STX16: variants seen among roughly 807,000 people sequenced by gnomAD.
The protein encoded by STX16 is syntaxin-16.
In STX16, 28 loss-of-function variants were observed where a neutral mutation model predicts 42.7. That is an observed-to-expected ratio of 0.66 (90% confidence interval 0.49 to 0.90). The LOEUF is 0.90. STX16 is among the 40% of genes least tolerant of loss of function. STX16 has a pLI of 0.00. For missense variants in STX16, 361 were observed against 420.9 expected (o/e 0.86, Z 1.24); for synonymous variants, 156 against 155.2 (o/e 1.00, Z -0.04).
At chr20:58,675,121 A>G (rs1165086544) in intron 8 of STX16, among the ~76,000 whole-genome samples, 6 of 151,744 alleles carry the variant, frequency 4.0e-5, no homozygotes, top group South Asian at 2.1e-4. Context: ...CGGCTAGTCT[A>G]AGGGTGATTG....
rs2296524 is a variant in STX16, at chr20:58,669,437, G to A, written c.540G>A (p.Gln180=). ...QELSTSFRHA[Q]SGYLKRMKNR... ...TCTCCACCAGCTTCCGGCACGCACAGTCAGGCTACCTCAAACGTGAGTGCT... is the reference window on the plus strand; with the variant it reads ...TCTCCACCAGCTTCCGGCACGCACAATCAGGCTACCTCAAACGTGAGTGCT... Residue 180 remains glutamine, a synonymous_variant, in exon 5 of 9, where the codon CAG becomes CAA. Coordinates refer to ENST00000371141, the MANE Select transcript of STX16 (RefSeq NM_001001433.3). 832,777 of 1,609,424 alleles carry A rather than the reference G, an allele frequency of 0.52. 216,791 individuals are homozygous for A. The highest frequency in any genetic ancestry group is 0.54 in the Middle Eastern group (3,279 of 6,036).
intron 7 of STX16, among the ~76,000 whole-genome samples, 166 bp downstream of exon 7, chr20:58,671,463 T>TGG (rs2083973915): frequency 8.0e-6 from 1 of 125,406 alleles, no homozygotes; most frequent in African/African-American, 3.0e-5. Context: ...TGTGTGTGTG[T>TGG]GTGTGTGTGT....
intron 1 of STX16, among the ~76,000 whole-genome samples, chr20:58,654,634 AT>A (rs1286912915): frequency 3.3e-5 from 5 of 152,232 alleles, no homozygotes; most frequent in Non-Finnish European, 5.9e-5. Flanking sequence ...CTCACAAAAA[AT>A]TTAAAGCCTT....
rs1383291269 is a variant in STX16, at chr20:58,651,659, A to G, written c.-348A>G. On this transcript the variant is annotated 5_prime_UTR_variant, in exon 1 of 9. Coordinates refer to ENST00000371141, the MANE Select transcript of STX16 (RefSeq NM_001001433.3). ...AGGGGGCTTCAGGGCCTCCCAGTCT[A>G]GAGCCGGATTGGCGAGTTAGACGCT... The G allele has an allele frequency of 4.0e-6, 1 of 251,384 alleles. No individual in the cohort carries two copies. Among genetic ancestry groups the G allele is most frequent in the Non-Finnish European group, 8.0e-6 (1 of 125,752 alleles). 15.6% of individuals were successfully genotyped at this position (251,384 alleles called of 1,614,324 possible).
In STX16 at chr20:58,651,955, G is replaced by C; in HGVS notation, c.-52G>C. ...CACGAGAAAGAAAGTGAATAAATCA[G>C]GAATATAAGTGGGCGGGGGGCCCCT... On this transcript the variant is annotated 5_prime_UTR_variant, in exon 1 of 9. Transcript: ENST00000371141. The C allele has an allele frequency of 6.3e-7, 1 of 1,593,846 alleles. No individual in the cohort carries two copies. Among genetic ancestry groups the C allele is most frequent in the Non-Finnish European group, 8.6e-7 (1 of 1,163,004 alleles).
At chr20:58,666,426 T>G (rs865917631) in intron 2 of STX16, among the ~76,000 whole-genome samples, 3,874 of 99,234 alleles carry the variant, frequency 0.039, 100 homozygotes, top group African/African-American at 0.18. Context: ...TGTGTGTGTT[T>G]TTTTTTTTTT....
chr20:58,652,890 T>G (rs1392144491), intron 1 of STX16, among the ~76,000 whole-genome samples: 1 of 151,960 alleles, frequency 6.6e-6, no homozygotes, highest in Non-Finnish European at 1.5e-5. Context: ...AACCACAACC[T>G]TTAGTTAGCC....
At position 58,676,417 on chromosome 20, in the gene STX16, C is replaced by A. The variant is rs2084128364; in HGVS notation, c.*126C>A. The A allele has an allele frequency of 6.3e-6, 5 of 788,000 alleles. No homozygotes were observed. The highest frequency in any genetic ancestry group is 6.3e-5 in the South Asian group (4 of 63,432). 48.8% of individuals were successfully genotyped at this position (788,000 alleles called of 1,614,324 possible). A position where few individuals can be genotyped will look rare whatever the true frequency, so the allele number is the denominator to read the frequency against. On this transcript the variant is annotated 3_prime_UTR_variant, in exon 9 of 9. Transcript: ENST00000371141. ...AATCTGAGGGCGTCGGGGCAGCGAA[C>A]CTTTGCATCCACGGACTCCTCCTTC...
chr20:58,672,083 A>G (rs2083991405), intron 7 of STX16, among the ~76,000 whole-genome samples: 1 of 152,152 alleles, frequency 6.6e-6, no homozygotes, highest in Non-Finnish European at 1.5e-5. Context: ...CTGTAATCCC[A>G]GCACTTTGGG....
intron 1 of STX16, among the ~76,000 whole-genome samples, chr20:58,658,479 A>G (rs777782870): frequency 2.0e-5 from 3 of 152,212 alleles, no homozygotes; most frequent in African/African-American, 7.2e-5. Flanking sequence ...GCAGCTTTTC[A>G]TAATGTCATC....
intron 4 of STX16, 56 bp downstream of exon 4, chr20:58,668,183 A>C: frequency 6.3e-6 from 10 of 1,597,860 alleles, no homozygotes; most frequent in Non-Finnish European, 8.5e-6. Flanking sequence ...TGGCAATCTC[A>C]GAAACTAGAG....
chr20:58,653,096 T>G (rs982339234), intron 1 of STX16, among the ~76,000 whole-genome samples: 3 of 152,232 alleles, frequency 2.0e-5, no homozygotes, highest in Non-Finnish European at 4.4e-5. Context: ...TGAAACTGGC[T>G]GTAGTTCAGG....
chr20:58,671,589 G>A (rs1286267849), intron 7 of STX16, among the ~76,000 whole-genome samples: 3 of 151,980 alleles, frequency 2.0e-5, no homozygotes, highest in East Asian at 1.9e-4. Flanking sequence ...TATCAGAGGA[G>A]TGTGGTGCTT....
In STX16 at chr20:58,670,714, C is replaced by T. The variant is rs1198621324; in HGVS notation, c.648+111C>T. 16 of 860,048 alleles carry T rather than the reference C, an allele frequency of 1.9e-5. No individual in the cohort carries two copies. In the East Asian group the frequency reaches 3.7e-4, roughly 20 times the overall value. The allele number at this position is 860,048 out of a possible 1,614,324, so 53.3% of individuals were successfully genotyped here. On this transcript the variant is annotated intron_variant, in intron 6 of 8. Coordinates refer to ENST00000371141, the MANE Select transcript of STX16 (RefSeq NM_001001433.3). Reference sequence around the variant, plus strand: ...AGTGTCAGTGGATTGATACAGTTGACTTGTATATTCATCAGGTTGTTTTGC... The same window carrying T: ...AGTGTCAGTGGATTGATACAGTTGATTTGTATATTCATCAGGTTGTTTTGC...
In STX16 at chr20:58,676,307, C is replaced by T. The variant is rs962907669; in HGVS notation, c.*16C>T. ...GTCTCGATAAGTGGCATTGGGTTTT[C>T]GTGTGTGCCGCGCGTGTGGATCTCC... On this transcript the variant is annotated 3_prime_UTR_variant, in exon 9 of 9. Coordinates refer to ENST00000371141, the MANE Select transcript of STX16 (RefSeq NM_001001433.3). 4.4e-6 allele frequency: 7 copies of T among 1,606,676 alleles called. No homozygotes were observed. In the African/African-American group the frequency reaches 8.0e-5, roughly 18 times the overall value.
rs938608632 is a variant in STX16 at position 58,677,410 on chromosome 20, G to A, written c.*1119G>A. On this transcript the variant is annotated 3_prime_UTR_variant, in exon 9 of 9. Transcript: ENST00000371141. ...AAGCAGGCACATTGCCAAGGACTGG[G>A]GGCATCTTGACTAGGAAGCTCCTCG... 6.6e-6 allele frequency: 1 copy of A among 152,616 alleles called. No individual in the cohort carries two copies. The highest frequency in any genetic ancestry group is 2.4e-5 in the African/African-American group (1 of 41,458). The allele number at this position is 152,616 out of a possible 1,614,324, so 9.5% of individuals were successfully genotyped here.
At chr20:58,668,240 C>T in intron 4 of STX16, 113 bp downstream of exon 4, 6 of 1,392,436 alleles carry the variant, frequency 4.3e-6, no homozygotes, top group Non-Finnish European at 5.8e-6. Context: ...ACCTGAAGTT[C>T]TCAGAGGGAC....
chr20:58,678,027 G>C lies in STX16; in HGVS notation c.*1736G>C, dbSNP rs1197165659. The C allele has an allele frequency of 2.0e-5, 3 of 152,250 alleles. No individual in the cohort carries two copies. The highest frequency in any genetic ancestry group is 2.0e-4 in the Admixed American group (3 of 15,280). 9.4% of individuals were successfully genotyped at this position (152,250 alleles called of 1,614,324 possible). ...GCACCTCATCAGTCAGCCCTGCAAT[G>C]TGAGACTTCCGTAGCTGTTGAGAGT... On this transcript the variant is annotated 3_prime_UTR_variant, in exon 9 of 9. Coordinates refer to ENST00000371141, the MANE Select transcript of STX16 (RefSeq NM_001001433.3).
chr20:58,667,744 G>T, intron 3 of STX16, 147 bp downstream of exon 3: 1 of 852,058 alleles, frequency 1.2e-6, no homozygotes, highest in Non-Finnish European at 1.8e-6. Flanking sequence ...TTGTCTATGT[G>T]TGTGTTAATG....
Sources: allele counts gnomAD v4.1 joint callset (sites outside exome capture counted in the v4.1 genomes callset), GRCh38; gene constraint gnomAD v4.1.1; transcripts MANE v1.5; gene names NCBI Gene and HGNC (gene_info 2026-07-23, HGNC 2026-07-21).